PDE3B: variants seen among roughly 807,000 people sequenced by gnomAD.
PDE3B encodes cGMP-inhibited 3',5'-cyclic phosphodiesterase 3B.
Under a neutral mutation model 116.8 loss-of-function variants are expected in PDE3B, and 66 were observed. The ratio of observed to expected loss-of-function variants is 0.56; its 90% CI spans 0.46 to 0.69. PDE3B has a LOEUF of 0.69. Among genes scored for constraint, PDE3B ranks in the 30% least tolerant of loss-of-function variants. The pLI is 0.00. For synonymous variants in PDE3B, 595 were observed against 533.6 expected (o/e 1.12, Z -1.59); for missense variants, 1,384 against 1,368.1 (o/e 1.01, Z -0.18).
intron 7 of PDE3B, among the ~76,000 whole-genome samples, chr11:14,821,729 A>G (rs1341391228): frequency 6.6e-6 from 1 of 152,138 alleles, no homozygotes; most frequent in Non-Finnish European, 1.5e-5. Flanking sequence ...TGGTATATTC[A>G]TTGTATTAAG....
At chr11:14,731,480 G>T (rs1025648476) in intron 1 of PDE3B, among the ~76,000 whole-genome samples, 5 of 151,752 alleles carry the variant, frequency 3.3e-5, no homozygotes, top group Non-Finnish European at 7.4e-5. Flanking sequence ...GGATGGTCTC[G>T]ATCTCCTGAC....
intron 7 of PDE3B, among the ~76,000 whole-genome samples, chr11:14,825,198 A>T (rs1026784981): frequency 6.6e-6 from 1 of 152,192 alleles, no homozygotes; most frequent in East Asian, 1.9e-4. Context: ...ACAGTTAAGT[A>T]CACAGACCCA....
At chr11:14,881,413 A>G in the PDE3B span, among the ~76,000 whole-genome samples, 2 of 152,128 alleles carry the variant, frequency 1.3e-5, no homozygotes, top group African/African-American at 4.8e-5. Flanking sequence ...TGATGTTGCT[A>G]CTATTGAAAT....
At position 14,779,639 on chromosome 11, in the gene PDE3B, G is replaced by A. The variant is rs1778149058; in HGVS notation, c.1030-6798G>A. Among the ~76,000 whole-genome samples the A allele has an allele frequency of 3.9e-5, 6 of 152,192 alleles. No individual in the cohort carries two copies. In the South Asian group the frequency reaches 1.2e-3, roughly 32 times the overall value. On this transcript the variant is annotated intron_variant, in intron 2 of 15. Transcript: ENST00000282096. ...ATGCTGAGAGATTTTGTCACCACCA[G>A]GCCTGCCTTACAAGAGCTCCTGAAG... is the stretch of plus-strand genomic sequence containing the variant.
the PDE3B span, chr11:14,890,902 G>A: frequency 2.0e-6 from 2 of 985,380 alleles, no homozygotes; most frequent in Non-Finnish European, 2.4e-6. Context: ...GGTCAAACCT[G>A]AAATACCACA....
At chr11:14,718,487 C>A (rs1024937373) in intron 1 of PDE3B, among the ~76,000 whole-genome samples, 5 of 148,424 alleles carry the variant, frequency 3.4e-5, no homozygotes, top group Admixed American at 1.3e-4. Context: ...AGCACCACAC[C>A]ACACCTATTC....
At chr11:14,785,939 C>T (rs1419902337) in intron 2 of PDE3B, among the ~76,000 whole-genome samples, 1 of 151,958 alleles carries the variant, frequency 6.6e-6, no homozygotes, top group Non-Finnish European at 1.5e-5. Context: ...TCAGATTTCT[C>T]ATATTAGCCC....
rs755880071 is a variant in PDE3B at position 14,774,396 on chromosome 11, A to G, written c.1029+2409A>G. 49 of 152,204 alleles carry G rather than the reference A, an allele frequency of 3.2e-4. 1 individual carries two copies. Among genetic ancestry groups the G allele is most frequent in the Non-Finnish European group, 5.7e-4 (39 of 68,036 alleles). 9.4% of individuals were successfully genotyped at this position (152,204 alleles called of 1,614,324 possible). On this transcript the variant is annotated intron_variant, in intron 2 of 15. Coordinates refer to ENST00000282096, the MANE Select transcript of PDE3B (RefSeq NM_000922.4). Reference sequence around the variant, plus strand: ...GTACTTAATACAAATGTGGGCCAATATTATATAAATTTCAATAGTAATAAA... The same window carrying G: ...GTACTTAATACAAATGTGGGCCAATGTTATATAAATTTCAATAGTAATAAA...
At chr11:14,661,960 TC>T (rs1227920007) in intron 1 of PDE3B, among the ~76,000 whole-genome samples, 1 of 152,108 alleles carries the variant, frequency 6.6e-6, no homozygotes, top group African/African-American at 2.4e-5. Flanking sequence ...GCAGTGGTTC[TC>T]CCAGCACGCA....
At chr11:14,893,971 CAT>C in the PDE3B span, among the ~76,000 whole-genome samples, 3 of 152,168 alleles carry the variant, frequency 2.0e-5, no homozygotes, top group Non-Finnish European at 4.4e-5. Flanking sequence ...GCAAAGGCTT[CAT>C]ATACTAAGCA....
intron 1 of PDE3B, among the ~76,000 whole-genome samples, chr11:14,683,828 A>T (rs1048161269): frequency 6.6e-6 from 1 of 152,148 alleles, no homozygotes; most frequent in African/African-American, 2.4e-5. Flanking sequence ...CCCTCTAAGC[A>T]CTATGCTAGC....
intron 2 of PDE3B, among the ~76,000 whole-genome samples, chr11:14,781,409 G>A (rs1434209625): frequency 1.3e-5 from 2 of 152,114 alleles, no homozygotes; most frequent in Non-Finnish European, 2.9e-5. Context: ...CAAAAATCCT[G>A]AATAAAATAC....
chr11:14,840,911 C>T lies in PDE3B; in HGVS notation c.2321-2916C>T, dbSNP rs531432694. Among the ~76,000 whole-genome samples, 8 of 152,226 alleles carry T rather than the reference C, an allele frequency of 5.3e-5. 1 individual carries two copies. In the South Asian group the frequency reaches 1.7e-3, roughly 32 times the overall value. ...TTTTAGTTAGGGGGTTTATGGCTAA[C>T]CTTCCCAGAGTGGAAGGTGGATATT... On this transcript the variant is annotated intron_variant, in intron 11 of 15. Coordinates refer to ENST00000282096, the MANE Select transcript of PDE3B (RefSeq NM_000922.4).
chr11:14,826,385 C>T (rs919526069), intron 7 of PDE3B, among the ~76,000 whole-genome samples: 4 of 151,878 alleles, frequency 2.6e-5, no homozygotes, highest in Admixed American at 6.6e-5. Context: ...TAGAGAAATA[C>T]AGAAGAAAAG....
At chr11:14,738,233 C>T (rs1251526469) in intron 1 of PDE3B, among the ~76,000 whole-genome samples, 1 of 152,168 alleles carries the variant, frequency 6.6e-6, no homozygotes, top group Non-Finnish European at 1.5e-5. Flanking sequence ...ATACTCCCAC[C>T]AACAGTGTAA....
At chr11:14,665,073 T>C (rs1396763955) in intron 1 of PDE3B, among the ~76,000 whole-genome samples, 2 of 152,146 alleles carry the variant, frequency 1.3e-5, no homozygotes, top group South Asian at 2.1e-4. Flanking sequence ...TCCAACATGA[T>C]CAAGTGGGCT....
At position 14,869,495 on chromosome 11, in the gene PDE3B, T is replaced by C. The variant is rs376064357; in HGVS notation, c.3174T>C (p.Phe1058=). Reference sequence around the variant, plus strand: ...GAAGGAAAAGCAGACGGCGAATATTTTGTCAGCTAATGCACCACCTCACTG... The same window carrying C: ...GAAGGAAAAGCAGACGGCGAATATTCTGTCAGCTAATGCACCACCTCACTG... ...PPRRKSRRRI[F]CQLMHHLTEN... The change falls in exon 16 of 16, where the codon TTT becomes TTC. Residue 1058 remains phenylalanine (F), a synonymous_variant. Transcript: ENST00000282096. The C allele has an allele frequency of 3.1e-6, 5 of 1,613,388 alleles. No homozygotes were observed. In the South Asian group the frequency reaches 4.4e-5, roughly 14 times the overall value.
At chr11:14,719,031 T>G (rs1291317985) in intron 1 of PDE3B, among the ~76,000 whole-genome samples, 1 of 113,884 alleles carries the variant, frequency 8.8e-6, no homozygotes, top group African/African-American at 3.5e-5. Context: ...CTAGCAAGAC[T>G]AATAAAGAAA....
chr11:14,802,234 T>A (rs916290887), intron 4 of PDE3B, among the ~76,000 whole-genome samples: 2 of 152,204 alleles, frequency 1.3e-5, no homozygotes, highest in Non-Finnish European at 2.9e-5. Context: ...GGTGTCTGCC[T>A]AAATGGCCGC....
Sources: gnomAD v4.1 joint callset for allele counts (sites outside exome capture counted in the v4.1 genomes callset) on GRCh38, gnomAD v4.1.1 for gene constraint, MANE v1.5 for transcripts, NCBI Gene and HGNC (gene_info 2026-07-23, HGNC 2026-07-21) for gene names.